OPRM1: variants seen among roughly 807,000 people sequenced by gnomAD.
OPRM1 encodes the protein mu-type opioid receptor.
Under a neutral mutation model 31.8 loss-of-function variants are expected in OPRM1, and 27 were observed. That is an observed-to-expected ratio of 0.85 (90% confidence interval 0.63 to 1.17). The LOEUF is 1.17. Among genes scored for constraint, OPRM1 ranks in the 50% most tolerant of loss-of-function variants. OPRM1 has a pLI of 0.00. For missense variants in OPRM1, 536 were observed against 511.1 expected, an observed-to-expected ratio of 1.05 and a Z score of -0.47; for synonymous variants, 196 against 189.9, an observed-to-expected ratio of 1.03 and a Z score of -0.26.
In OPRM1 at chr6:154,160,552, T is replaced by C. The variant is rs560498410; in HGVS notation, c.1164+69080T>C. On this transcript the variant is annotated intron_variant, in intron 3 of 3. Transcript: ENST00000337049. The stretch of plus-strand genomic sequence containing the variant: ...CAGAATAAATACACAGATTATCTTT[T>C]CAGTCAAAGAAGAGGCTACTAACCT... 2.0e-5 allele frequency among the ~76,000 whole-genome samples: 3 copies of C among 152,366 alleles called. No individual in the cohort carries two copies. In the East Asian group the frequency reaches 5.8e-4, roughly 29 times the overall value.
intron 3 of OPRM1, chr6:154,159,557 A>G (rs1562515589): frequency 2.2e-6 from 1 of 463,046 alleles, no homozygotes; most frequent in Non-Finnish European, 3.8e-6. Context: ...TCCCCCCTAG[A>G]GCCCCACATC....
At chr6:154,068,303 G>A (rs956033288) in intron 1 of OPRM1, among the ~76,000 whole-genome samples, 12 of 152,042 alleles carry the variant, frequency 7.9e-5, no homozygotes, top group Admixed American at 6.5e-4. Flanking sequence ...TTGTACAATA[G>A]ATCTCTTGAA....
upstream of OPRM1, among the ~76,000 whole-genome samples, chr6:154,037,447 T>A (rs1779377719): frequency 6.6e-6 from 1 of 152,114 alleles, no homozygotes; most frequent in African/African-American, 2.4e-5. Flanking sequence ...TTGTTTGTTT[T>A]TTGGTCAGGG....
intron 2 of OPRM1, 24 bp downstream of exon 2, chr6:154,090,202 G>A (rs201750445): frequency 3.9e-6 from 6 of 1,526,026 alleles, no homozygotes; most frequent in Non-Finnish European, 5.4e-6. Context: ...CCAGCCTGAG[G>A]GAAGGAGGGT....
chr6:154,191,542 C>T (rs978002566), intron 3 of OPRM1, among the ~76,000 whole-genome samples: 21 of 151,916 alleles, frequency 1.4e-4, no homozygotes, highest in Admixed American at 3.9e-4. Context: ...GGCATGGTGG[C>T]GAGCGCCTAT....
intron 3 of OPRM1, among the ~76,000 whole-genome samples, chr6:154,229,998 A>C (rs1779597531): frequency 6.6e-6 from 1 of 152,190 alleles, no homozygotes; most frequent in African/African-American, 2.4e-5. Context: ...CATTTCTAGG[A>C]AGTGTCCAGA....
At chr6:154,042,682 C>T (rs1157508551) in intron 1 of OPRM1, among the ~76,000 whole-genome samples, 1 of 152,026 alleles carries the variant, frequency 6.6e-6, no homozygotes, top group African/African-American at 2.4e-5. Flanking sequence ...CAGGGCTACT[C>T]TAAGGAATAC....
rs145011095 is a variant in OPRM1, at chr6:154,184,221, A to G, written c.1165-62472A>G. Among the ~76,000 whole-genome samples the G allele has an allele frequency of 8.6e-3, 1,307 of 152,174 alleles. 10 individuals carry two copies. Among genetic ancestry groups the G allele is most frequent in the African/African-American group, 0.028 (1,163 of 41,546 alleles). On this transcript the variant is annotated intron_variant, in intron 3 of 3. Transcript: ENST00000337049. ...TTAAAAAAAAATAGCTGTATCAGCT[A>G]TCTCAAAATGTAATAGCACTGGCAT...
chr6:154,193,049 CG>C, intron 3 of OPRM1, among the ~76,000 whole-genome samples: 1 of 152,242 alleles, frequency 6.6e-6, no homozygotes, highest in East Asian at 1.9e-4. Context: ...AGTCATTATA[CG>C]AAGAAGGATA....
rs71567963 is a variant in OPRM1 at position 154,109,802 on chromosome 6, G to C, written c.1165-8881G>C. Among the ~76,000 whole-genome samples the C allele has an allele frequency of 8.2e-3, 927 of 113,442 alleles. 5 individuals are homozygous for C. The highest frequency in any genetic ancestry group is 0.039 in the Middle Eastern group (8 of 206). The allele number at this position is 113,442 out of a possible 152,430, so 74.4% of individuals were successfully genotyped here. A position where few individuals can be genotyped will look rare whatever the true frequency, so the allele number is the denominator to read the frequency against. On this transcript the variant is annotated intron_variant, in intron 3 of 3. Coordinates refer to ENST00000330432, the MANE Select transcript of OPRM1 (RefSeq NM_000914.5). Reference sequence around the variant, plus strand: ...TCTCTCTCTCTCTCTCTGTGTGTGTGTGTGTGTGTGTGTGTGTGTGTGTGT... The same window carrying C: ...TCTCTCTCTCTCTCTCTGTGTGTGTCTGTGTGTGTGTGTGTGTGTGTGTGT...
chr6:154,228,231 C>T (rs557117968), intron 3 of OPRM1, among the ~76,000 whole-genome samples: 6 of 151,910 alleles, frequency 3.9e-5, no homozygotes, highest in East Asian at 3.9e-4. Flanking sequence ...TTTGGGAGGC[C>T]GAGGCAGAAA....
chr6:154,093,600 A>C, intron 3 of OPRM1: 3 of 1,413,692 alleles, frequency 2.1e-6, no homozygotes, highest in Non-Finnish European at 2.8e-6. Context: ...TGCTTTAAAA[A>C]TACATCCAAT....
rs758292048 is a variant in OPRM1 at position 154,128,250 on chromosome 6, A to G, written c.*9529A>G. On this transcript the variant is annotated 3_prime_UTR_variant, in exon 4 of 4. Coordinates refer to ENST00000330432, the MANE Select transcript of OPRM1 (RefSeq NM_000914.5). ...GCCCAGTGATTTGTGTGTTTTCTTA[A>G]TAAACTTTACCCACTTATTAAAAGA... is the stretch of plus-strand genomic sequence containing the variant. 6.6e-6 allele frequency among the ~76,000 whole-genome samples: 1 copy of G among 152,244 alleles called. No homozygotes were observed. Among genetic ancestry groups the G allele is most frequent in the East Asian group, 1.9e-4 (1 of 5,202 alleles).
intron 1 of OPRM1, among the ~76,000 whole-genome samples, chr6:154,055,217 A>G (rs1489670567): frequency 6.6e-6 from 1 of 152,062 alleles, no homozygotes; most frequent in African/African-American, 2.4e-5. Flanking sequence ...GTGAAACCTC[A>G]TCTCTACTAA....
chr6:154,069,653 G>T (rs1303382156), intron 1 of OPRM1, among the ~76,000 whole-genome samples: 2 of 152,086 alleles, frequency 1.3e-5, no homozygotes, highest in African/African-American at 4.8e-5. Context: ...CATTTAAGTT[G>T]CTAACTTACT....
intron 3 of OPRM1, among the ~76,000 whole-genome samples, chr6:154,202,170 A>G (rs1777123093): frequency 6.6e-6 from 1 of 152,216 alleles, no homozygotes; most frequent in Non-Finnish European, 1.5e-5. Flanking sequence ...TACACTTTTA[A>G]GTAGCATGAC....
chr6:154,230,317 T>C (rs1204437705), intron 3 of OPRM1, among the ~76,000 whole-genome samples: 2 of 152,222 alleles, frequency 1.3e-5, no homozygotes, highest in African/African-American at 4.8e-5. Flanking sequence ...TACATGAGTA[T>C]GGGCGGGGAT....
chr6:154,152,249 A>G lies in OPRM1; in HGVS notation c.1164+60777A>G, dbSNP rs566744870. 2.8e-5 allele frequency among the ~76,000 whole-genome samples: 4 copies of G among 142,678 alleles called. 1 individual carries two copies. The highest frequency in any genetic ancestry group is 1.2e-4 in the African/African-American group (4 of 33,984). The allele number at this position is 142,678 out of a possible 152,430, so 93.6% of individuals were successfully genotyped here. On this transcript the variant is annotated intron_variant, in intron 3 of 3. Coordinates refer to the OPRM1 transcript ENST00000337049. ...GAAAAAGAAAGAGAAAAGAAAAAGA[A>G]GAAAGAAAAGAAAGAAAGAAAAAGA...
intron 3 of OPRM1, among the ~76,000 whole-genome samples, chr6:154,189,531 A>G (rs963299907): frequency 6.6e-6 from 1 of 152,236 alleles, no homozygotes; most frequent in African/African-American, 2.4e-5. Context: ...ACTATAGCAA[A>G]TAACAATGTA....
Sources: gnomAD v4.1 joint callset for allele counts (sites outside exome capture counted in the v4.1 genomes callset) on GRCh38, gnomAD v4.1.1 for gene constraint, MANE v1.5 for transcripts, NCBI Gene and HGNC (gene_info 2026-07-23, HGNC 2026-07-21) for gene names.